Variants in KHDRBS2 observed in about 807,000 individuals in gnomAD.
The protein encoded by KHDRBS2 is KH domain-containing, RNA-binding, signal transduction-associated protein 2.
In KHDRBS2, 26 loss-of-function variants were observed where a neutral mutation model predicts 44.3. The observed-to-expected ratio is 0.59, with a 90% CI of 0.43 to 0.81. KHDRBS2 has a LOEUF of 0.81. KHDRBS2 is among the 40% of genes least tolerant of loss of function. The probability of loss-of-function intolerance (pLI) is 0.00; values close to 1 mark genes in which losing one functional copy is unlikely to be tolerated. For missense variants in KHDRBS2, 476 were observed against 433.1 expected (o/e 1.10, Z -0.88); for synonymous variants, 194 against 151.1 (o/e 1.28, Z -2.08).
chr6:62,109,164 T>C (rs1804381293), intron 2 of KHDRBS2, among the ~76,000 whole-genome samples: 1 of 150,094 alleles, frequency 6.7e-6, no homozygotes, highest in Non-Finnish European at 1.5e-5. Context: ...GTCCTAGAAA[T>C]GCAAAGTTGT....
At chr6:62,076,290 A>G (rs1584542056) in intron 2 of KHDRBS2, among the ~76,000 whole-genome samples, 1 of 152,040 alleles carries the variant, frequency 6.6e-6, no homozygotes, top group East Asian at 1.9e-4. Flanking sequence ...ACACAAAAGG[A>G]GAACTCATCT....
chr6:61,708,515 T>A (rs964714480), intron 7 of KHDRBS2, among the ~76,000 whole-genome samples: 4 of 151,570 alleles, frequency 2.6e-5, no homozygotes, highest in African/African-American at 9.7e-5. Context: ...GAAATTCCAT[T>A]AAGATTAAAT....
At chr6:61,609,133 G>C in the KHDRBS2 span, among the ~76,000 whole-genome samples, 1 of 152,146 alleles carries the variant, frequency 6.6e-6, no homozygotes, top group Non-Finnish European at 1.5e-5. Context: ...CAAGGCAGGT[G>C]GATCACTTGA....
chr6:61,813,616 T>C (rs748318544), intron 6 of KHDRBS2, among the ~76,000 whole-genome samples: 11 of 152,168 alleles, frequency 7.2e-5, no homozygotes, highest in Non-Finnish European at 1.6e-4. Context: ...ATGCATGTCA[T>C]TACTTGGTAT....
rs145364833 is a variant in KHDRBS2, at chr6:61,952,409, T to C, written c.483+25657A>G. Among the ~76,000 whole-genome samples, 9 of 152,200 alleles carry C rather than the reference T, an allele frequency of 5.9e-5. No individual in the cohort carries two copies. In the East Asian group the frequency reaches 1.7e-3, roughly 29 times the overall value. ...TAATCTTTTTTCTATAATCTTGTCA[T>C]GATAATTTTTTAGTTTCCCAGTTTG... On this transcript the variant is annotated intron_variant, in intron 4 of 8. Coordinates refer to ENST00000281156, the MANE Select transcript of KHDRBS2 (RefSeq NM_152688.4).
intron 3 of KHDRBS2, among the ~76,000 whole-genome samples, chr6:62,047,162 C>T (rs934247063): frequency 6.6e-5 from 10 of 151,864 alleles, no homozygotes; most frequent in African/African-American, 1.7e-4. Context: ...AATGATACTA[C>T]GAAATACATC....
chr6:61,951,265 T>C (rs1488089745), intron 4 of KHDRBS2, among the ~76,000 whole-genome samples: 4 of 151,956 alleles, frequency 2.6e-5, no homozygotes, highest in Non-Finnish European at 5.9e-5. Flanking sequence ...GATTGACAAA[T>C]GGCTCCATGT....
the KHDRBS2 span, among the ~76,000 whole-genome samples, chr6:61,664,127 C>T: frequency 1.3e-5 from 2 of 151,784 alleles, no homozygotes; most frequent in Non-Finnish European, 2.9e-5. Context: ...TGTAACACCA[C>T]ACTTACTGAT....
intron 6 of KHDRBS2, among the ~76,000 whole-genome samples, chr6:61,855,063 A>C (rs1187789895): frequency 6.6e-6 from 1 of 152,142 alleles, no homozygotes; most frequent in African/African-American, 2.4e-5. Context: ...TCTATTTATT[A>C]ACCAGTCTGA....
At chr6:61,870,041 C>T (rs1261075407) in intron 6 of KHDRBS2, among the ~76,000 whole-genome samples, 1 of 150,936 alleles carries the variant, frequency 6.6e-6, no homozygotes, top group African/African-American at 2.5e-5. Flanking sequence ...GTTCCCTCCC[C>T]AGGAAAGGGG....
intron 1 of KHDRBS2, among the ~76,000 whole-genome samples, chr6:62,277,017 G>A (rs761543724): frequency 2.1e-4 from 32 of 152,066 alleles, no homozygotes; most frequent in Non-Finnish European, 4.1e-4. Context: ...GTAATGCATC[G>A]TCTAGTACAG....
intron 3 of KHDRBS2, among the ~76,000 whole-genome samples, chr6:62,020,439 T>C (rs533080242): frequency 2.0e-5 from 3 of 152,014 alleles, no homozygotes; most frequent in Non-Finnish European, 4.4e-5. Context: ...GTGTGGGGTA[T>C]TGTCTATAAA....
intron 2 of KHDRBS2, among the ~76,000 whole-genome samples, chr6:62,093,525 T>G (rs990597911): frequency 6.6e-6 from 1 of 151,978 alleles, no homozygotes; most frequent in East Asian, 1.9e-4. Context: ...TACTTTGAAA[T>G]ATACACTGTA....
chr6:61,631,305 C>CA, the KHDRBS2 span, among the ~76,000 whole-genome samples: 177 of 66,968 alleles, frequency 2.6e-3, 1 homozygote, highest in East Asian at 7.0e-3. Flanking sequence ...ACGAATAAGC[C>CA]AAAAAAAAAA....
At chr6:61,945,108 A>ATGTATATATAT (rs1812982313) in intron 4 of KHDRBS2, among the ~76,000 whole-genome samples, 1 of 54,996 alleles carries the variant, frequency 1.8e-5, no homozygotes, top group Admixed American at 2.5e-4. Flanking sequence ...AAAAAAAAAA[A>ATGTATATATAT]AAAAGTATAT....
intron 3 of KHDRBS2, among the ~76,000 whole-genome samples, chr6:62,033,057 A>G (rs1267752349): frequency 1.3e-5 from 2 of 151,936 alleles, no homozygotes; most frequent in Admixed American, 1.3e-4. Context: ...CTGGAGTTGA[A>G]AAATGTAACT....
intron 1 of KHDRBS2, among the ~76,000 whole-genome samples, chr6:62,182,897 C>T (rs530291386): frequency 3.3e-5 from 5 of 151,798 alleles, no homozygotes; most frequent in East Asian, 1.9e-4. Context: ...TCTGAAAATA[C>T]GAGTAATATT....
At chr6:62,024,857 T>C (rs1434839059) in intron 3 of KHDRBS2, among the ~76,000 whole-genome samples, 1 of 151,652 alleles carries the variant, frequency 6.6e-6, no homozygotes, top group Non-Finnish European at 1.5e-5. Context: ...TTAAAGTATA[T>C]TAAAAGTATT....
At chr6:61,753,606 T>A (rs567700757) in intron 6 of KHDRBS2, among the ~76,000 whole-genome samples, 41 of 152,238 alleles carry the variant, frequency 2.7e-4, no homozygotes, top group Middle Eastern at 6.8e-3. Context: ...TTTTCCTCCT[T>A]GGGGCTATAT....
Sources: gnomAD v4.1 joint callset for allele counts (sites outside exome capture counted in the v4.1 genomes callset) on GRCh38, gnomAD v4.1.1 for gene constraint, MANE v1.5 for transcripts, NCBI Gene and HGNC (gene_info 2026-07-23, HGNC 2026-07-21) for gene names.